EHF: variants seen among roughly 807,000 people sequenced by gnomAD.
The protein encoded by EHF is ETS homologous factor.
Under a neutral mutation model 45.1 loss-of-function variants are expected in EHF, and 14 were observed. The observed-to-expected ratio is 0.31, with a 90% CI of 0.21 to 0.49. EHF has a LOEUF of 0.49. Ranked by LOEUF, EHF falls within the 20% of genes least tolerant of loss-of-function variation. The probability of loss-of-function intolerance (pLI) is 0.99; values close to 1 mark genes in which losing one functional copy is unlikely to be tolerated. For missense variants in EHF, 282 were observed against 371.4 expected (o/e 0.76, Z 1.98); for synonymous variants, 136 against 131.8 (o/e 1.03, Z -0.22).
rs1457095919 is a variant in EHF at position 34,661,371 on chromosome 11, C to A, written c.*2440C>A. 6.6e-6 allele frequency among the ~76,000 whole-genome samples: 1 copy of A among 152,160 alleles called. No individual in the cohort carries two copies. Among genetic ancestry groups the A allele is most frequent in the Non-Finnish European group, 1.5e-5 (1 of 68,018 alleles). On this transcript the variant is annotated 3_prime_UTR_variant, in exon 9 of 9. Transcript: ENST00000257831. ...TTCGCTGACTTCACCATTCCTCAAA[C>A]CTGTAAGTTTCTCACTTCTTCCAAA...
intron 1 of EHF, among the ~76,000 whole-genome samples, chr11:34,626,181 A>G (rs1852358922): frequency 6.6e-6 from 1 of 152,128 alleles, no homozygotes; most frequent in African/African-American, 2.4e-5. Context: ...ACTTTCTATC[A>G]CAGAAGCACA....
At position 34,662,773 on chromosome 11, in the gene EHF, G is replaced by A. The variant is rs577563738; in HGVS notation, c.*3842G>A. ...TTGTTGAGTGCCTGCTATGTGCACG[G>A]CATGGGCCCATATGTGTGAGGAGCT... is the stretch of plus-strand genomic sequence containing the variant. On this transcript the variant is annotated 3_prime_UTR_variant, in exon 9 of 9. Coordinates refer to ENST00000257831, the MANE Select transcript of EHF (RefSeq NM_012153.6). Among the ~76,000 whole-genome samples, 3 of 152,202 alleles carry A rather than the reference G, an allele frequency of 2.0e-5. No individual in the cohort carries two copies. In the South Asian group the frequency reaches 6.2e-4, roughly 32 times the overall value.
rs570754229 is a variant in EHF, at chr11:34,635,915, C to G, written c.-3-6713C>G. ...AGGGGAACATCATGGCTTCTGCAAG[C>G]AGAGTCCAAGCCCCGCTGTTTATAG... On this transcript the variant is annotated intron_variant, in intron 1 of 8. Coordinates refer to ENST00000257831, the MANE Select transcript of EHF (RefSeq NM_012153.6). 3.0e-4 allele frequency among the ~76,000 whole-genome samples: 45 copies of G among 152,216 alleles called. No homozygotes were observed. The South Asian group carries it at 9.3e-3, about 32-fold the overall frequency.
Position 34,660,344 on chromosome 11 carries a change from T to C in EHF, c.*1413T>C, listed in dbSNP as rs924511460. ...TCCTCTTTGCAGGTATTAATTCTTA[T>C]AATTTTTTGTCTTTTGGATTATCTG... On this transcript the variant is annotated 3_prime_UTR_variant, in exon 9 of 9. Coordinates refer to ENST00000257831, the MANE Select transcript of EHF (RefSeq NM_012153.6). 1 of 152,186 alleles carries C rather than the reference T, an allele frequency of 6.6e-6. No individual in the cohort carries two copies. Among genetic ancestry groups the C allele is most frequent in the Non-Finnish European group, 1.5e-5 (1 of 68,022 alleles). The allele number at this position is 152,186 out of a possible 1,614,324, so 9.4% of individuals were successfully genotyped here. A position where few individuals can be genotyped will look rare whatever the true frequency, so the allele number is the denominator to read the frequency against.
intron 1 of EHF, among the ~76,000 whole-genome samples, chr11:34,640,085 C>T (rs925347309): frequency 7.9e-5 from 12 of 151,792 alleles, no homozygotes; most frequent in Non-Finnish European, 1.5e-4. Flanking sequence ...ATTCTTACAG[C>T]CCTTTGAGTT....
In EHF at chr11:34,631,683, G is replaced by C. The variant is rs538833696; in HGVS notation, c.-4+10455G>C. The C allele has an allele frequency of 4.8e-5, 28 of 584,846 alleles. No individual in the cohort carries two copies. The Admixed American group carries it at 8.9e-4, about 19-fold the overall frequency. 36.2% of individuals were successfully genotyped at this position (584,846 alleles called of 1,614,324 possible). A position where few individuals can be genotyped will look rare whatever the true frequency, so the allele number is the denominator to read the frequency against. On this transcript the variant is annotated intron_variant, in intron 1 of 8. Coordinates refer to ENST00000257831, the MANE Select transcript of EHF (RefSeq NM_012153.6). ...GGGAAAACTGTGGTCCGGGAACCAG[G>C]GGTTTTCAAATTATGCTTTTTGCCC...
Position 34,661,796 on chromosome 11 carries a change from A to G in EHF, c.*2865A>G, listed in dbSNP as rs961881424. On this transcript the variant is annotated 3_prime_UTR_variant, in exon 9 of 9. Transcript: ENST00000257831. ...AAGCTCACCTGTGCTGAATGTCCACATGGTCACTAAACATGTTATCCTTAA... is the reference window on the plus strand; with the variant it reads ...AAGCTCACCTGTGCTGAATGTCCACGTGGTCACTAAACATGTTATCCTTAA... Among the ~76,000 whole-genome samples, 2 of 152,140 alleles carry G rather than the reference A, an allele frequency of 1.3e-5. No individual in the cohort carries two copies. The highest frequency in any genetic ancestry group is 2.9e-5 in the Non-Finnish European group (2 of 67,996).
rs1281720890 is a variant in EHF at position 34,658,843 on chromosome 11, A to G, written c.815A>G (p.Lys272Arg). The change falls in exon 9 of 9, where the codon AAA (lysine) becomes AGA (arginine). Residue 272 changes from lysine to arginine, a missense_variant. Coordinates refer to ENST00000257831, the MANE Select transcript of EHF (RefSeq NM_012153.6). Reference sequence around the variant, plus strand: ...CTCCTTTGTTACAGATATTACTACAAAAGAGAAATTCTGGAGCGTGTGGAT... The same window carrying G: ...CTCCTTTGTTACAGATATTACTACAGAAGAGAAATTCTGGAGCGTGTGGAT... ...KLSRAMRYYYKREILERVDGR... is the reference protein window; with the variant it reads ...KLSRAMRYYYRREILERVDGR... 18 of 1,611,862 alleles carry G rather than the reference A, an allele frequency of 1.1e-5. No homozygotes were observed. The Middle Eastern group carries it at 6.6e-4, about 59-fold the overall frequency.
intron 1 of EHF, among the ~76,000 whole-genome samples, chr11:34,641,209 T>C (rs1431300502): frequency 2.0e-5 from 3 of 152,108 alleles, no homozygotes; most frequent in African/African-American, 7.2e-5. Context: ...CTGGATTCAG[T>C]CCTAATTATT....
intron 1 of EHF, among the ~76,000 whole-genome samples, chr11:34,623,513 C>T (rs929554125): frequency 2.0e-4 from 30 of 152,206 alleles, no homozygotes; most frequent in African/African-American, 6.5e-4. Flanking sequence ...ACCCTAAATG[C>T]TCCCATTAAT....
At position 34,643,674 on chromosome 11, in the gene EHF, G is replaced by A. The variant is rs567435012; in HGVS notation, c.97+947G>A. Among the ~76,000 whole-genome samples, 26 of 152,324 alleles carry A rather than the reference G, an allele frequency of 1.7e-4. No homozygotes were observed. In the South Asian group the frequency reaches 5.2e-3, roughly 30 times the overall value. ...TCAAACATGGTTGAAAGGGTGAGCA[G>A]GTGAGCTTCCCTTACTCGGTCACCT... is the stretch of plus-strand genomic sequence containing the variant. On this transcript the variant is annotated intron_variant, in intron 2 of 8. Coordinates refer to ENST00000257831, the MANE Select transcript of EHF (RefSeq NM_012153.6).
intron 3 of EHF, among the ~76,000 whole-genome samples, chr11:34,647,574 G>A (rs1251399534): frequency 1.3e-5 from 2 of 152,214 alleles, no homozygotes; most frequent in Admixed American, 6.5e-5. Flanking sequence ...TTAAGAACAG[G>A]GAGTTGGCCT....
intron 2 of EHF, among the ~76,000 whole-genome samples, chr11:34,645,377 T>A (rs1311551312): frequency 6.6e-6 from 1 of 152,170 alleles, no homozygotes; most frequent in East Asian, 1.9e-4. Flanking sequence ...ACTCCTCAGA[T>A]GCCTACCTTA....
intron 1 of EHF, among the ~76,000 whole-genome samples, chr11:34,637,491 C>A (rs1853559105): frequency 6.6e-6 from 1 of 152,202 alleles, no homozygotes. Context: ...TCAGGCTGGT[C>A]ATTTAGCACA....
chr11:34,635,845 G>A (rs1299015584), intron 1 of EHF, among the ~76,000 whole-genome samples: 1 of 152,114 alleles, frequency 6.6e-6, no homozygotes, highest in Admixed American at 6.6e-5. Context: ...AAGAGGGACA[G>A]GAGGGATGGC....
chr11:34,631,916 A>G (rs1313100551), intron 1 of EHF, among the ~76,000 whole-genome samples: 1 of 152,154 alleles, frequency 6.6e-6, no homozygotes, highest in Non-Finnish European at 1.5e-5. Context: ...CATGATCTGA[A>G]CCTGGGCTGG....
At chr11:34,631,818 G>T (rs1852915604) in intron 1 of EHF, among the ~76,000 whole-genome samples, 2 of 152,134 alleles carry the variant, frequency 1.3e-5, no homozygotes, top group African/African-American at 4.8e-5. Flanking sequence ...AAACTGTATT[G>T]ACTTTTGGAA....
chr11:34,632,431 T>C (rs1313935870), intron 1 of EHF: 2 of 1,449,800 alleles, frequency 1.4e-6, no homozygotes, highest in Admixed American at 4.5e-5. Context: ...AAACACACCA[T>C]TGTCTCAGAG....
chr11:34,644,486 G>T (rs987664655), intron 2 of EHF, among the ~76,000 whole-genome samples: 1 of 152,304 alleles, frequency 6.6e-6, no homozygotes, highest in African/African-American at 2.4e-5. Flanking sequence ...TAGAGCCCAC[G>T]TTGTGGGCCA....
Sources: gnomAD v4.1 joint callset for allele counts (sites outside exome capture counted in the v4.1 genomes callset) on GRCh38, gnomAD v4.1.1 for gene constraint, MANE v1.5 for transcripts, NCBI Gene and HGNC (gene_info 2026-07-23, HGNC 2026-07-21) for gene names.